Variants in SNX25 observed in about 807,000 individuals in gnomAD.
The protein encoded by SNX25 is sorting nexin 25, also known as sorting nexin-25.
A neutral mutation model predicts 113.7 loss-of-function variants in SNX25; 62 were observed. The observed-to-expected ratio is 0.55, with a 90% CI of 0.44 to 0.67. The LOEUF is 0.67. Ranked by LOEUF, SNX25 falls within the 30% of genes least tolerant of loss-of-function variation. The pLI, the probability that SNX25 is intolerant of heterozygous loss-of-function variation, is 0.00. For missense variants in SNX25, 1,014 were observed against 1,161.0 expected (o/e 0.87, Z 1.84); for synonymous variants, 421 against 436.2 (o/e 0.97, Z 0.43).
At chr4:185,241,790 A>G (rs1212410504) in intron 1 of SNX25, among the ~76,000 whole-genome samples, 4 of 152,148 alleles carry the variant, frequency 2.6e-5, no homozygotes, top group African/African-American at 7.2e-5. Context: ...ATCTTTCCTA[A>G]AACAGGCATT....
At chr4:185,351,968 G>A (rs929861885) in intron 14 of SNX25, among the ~76,000 whole-genome samples, 3 of 152,260 alleles carry the variant, frequency 2.0e-5, no homozygotes, top group Admixed American at 1.3e-4. Flanking sequence ...GGAACAGGCC[G>A]GAGGTCGTTG....
At chr4:185,293,511 A>G (rs1579655462) in intron 6 of SNX25, among the ~76,000 whole-genome samples, 1 of 152,258 alleles carries the variant, frequency 6.6e-6, no homozygotes, top group South Asian at 2.1e-4. Flanking sequence ...CACATATTGC[A>G]TGATTTCATT....
chr4:185,353,842 A>C (rs557391365), intron 15 of SNX25, among the ~76,000 whole-genome samples: 21 of 152,186 alleles, frequency 1.4e-4, no homozygotes, highest in Admixed American at 1.4e-3. Context: ...TCAAGAGATC[A>C]AGACCATCCT....
intron 1 of SNX25, among the ~76,000 whole-genome samples, chr4:185,218,041 C>T (rs190738136): frequency 4.6e-5 from 7 of 152,028 alleles, no homozygotes; most frequent in South Asian, 2.1e-4. Context: ...CCCTAAGGGC[C>T]GGGATTTAGG....
At chr4:185,303,157 C>T (rs1031706803) in intron 6 of SNX25, among the ~76,000 whole-genome samples, 1 of 152,176 alleles carries the variant, frequency 6.6e-6, no homozygotes, top group African/African-American at 2.4e-5. Flanking sequence ...GTCCTGGGCT[C>T]CTGCTCACAA....
chr4:185,208,961 T>G (rs966724798), upstream of SNX25, among the ~76,000 whole-genome samples: 3 of 152,180 alleles, frequency 2.0e-5, no homozygotes, highest in African/African-American at 2.4e-5. Flanking sequence ...TTTGCGTGGC[T>G]GATAGCATTT....
At chr4:185,370,708 C>T (rs550146373), downstream of SNX25, 13 of 1,613,886 alleles carry the variant, frequency 8.1e-6, no homozygotes, top group Admixed American at 1.7e-5. Context: ...AGACACCTTG[C>T]GTGGTAGAAG....
At chr4:185,353,365 T>TA in intron 14 of SNX25, 120 bp from the exon 15 acceptor site, 5 of 715,838 alleles carry the variant, frequency 7.0e-6, no homozygotes, top group Non-Finnish European at 7.2e-6. Context: ...GCATGAAAAC[T>TA]AAAGAATTAA....
At chr4:185,331,395 C>T (rs539149599) in intron 9 of SNX25, among the ~76,000 whole-genome samples, 62 of 152,166 alleles carry the variant, frequency 4.1e-4, no homozygotes, top group African/African-American at 1.4e-3. Flanking sequence ...CAGCATTGTA[C>T]GTTATATGAA....
At chr4:185,265,331 G>A (rs189303578) in intron 4 of SNX25, among the ~76,000 whole-genome samples, 175 of 152,270 alleles carry the variant, frequency 1.1e-3, no homozygotes, top group Non-Finnish European at 2.0e-3. Flanking sequence ...GGGCAATATG[G>A]TGTAACCTAT....
chr4:185,268,566 C>T (rs542037318), intron 5 of SNX25, among the ~76,000 whole-genome samples: 7 of 151,998 alleles, frequency 4.6e-5, no homozygotes, highest in Admixed American at 1.3e-4. Flanking sequence ...GTTCATTTTG[C>T]TTTTCATTAA....
At chr4:185,205,604 G>A (rs182287957), upstream of SNX25, among the ~76,000 whole-genome samples, 1,056 of 152,280 alleles carry the variant, frequency 6.9e-3, 5 homozygotes, top group Non-Finnish European at 0.012. Context: ...TGAGGTGGGC[G>A]GATCACCTGA....
chr4:185,371,371 C>G (rs1019053363), downstream of SNX25, among the ~76,000 whole-genome samples: 1 of 151,622 alleles, frequency 6.6e-6, no homozygotes, highest in Non-Finnish European at 1.5e-5. Context: ...AACCCCGTCT[C>G]TACTAAAAAA....
chr4:185,228,783 G>A (rs1372607269), intron 1 of SNX25, among the ~76,000 whole-genome samples: 8 of 152,182 alleles, frequency 5.3e-5, no homozygotes, highest in African/African-American at 1.9e-4. Context: ...CGTTTATTGG[G>A]CCCTCATTGT....
At chr4:185,272,985 C>T (rs774429939) in intron 5 of SNX25, among the ~76,000 whole-genome samples, 1 of 152,122 alleles carries the variant, frequency 6.6e-6, no homozygotes, top group Non-Finnish European at 1.5e-5. Flanking sequence ...ATGCCTTGCC[C>T]CTACCCACTG....
At chr4:185,287,183 A>G (rs1334680091) in intron 5 of SNX25, among the ~76,000 whole-genome samples, 2 of 152,232 alleles carry the variant, frequency 1.3e-5, no homozygotes, top group East Asian at 3.8e-4. Context: ...CAAAATAGCT[A>G]CAACTCCAGG....
chr4:185,339,782 A>G (rs531740340), intron 11 of SNX25, among the ~76,000 whole-genome samples: 1 of 152,324 alleles, frequency 6.6e-6, no homozygotes, highest in South Asian at 2.1e-4. Flanking sequence ...AATGTCCTTG[A>G]ATTACCAATT....
chr4:185,361,762 T>C (rs1241207193), intron 16 of SNX25, among the ~76,000 whole-genome samples, 162 bp from the exon 17 acceptor site: 4 of 152,050 alleles, frequency 2.6e-5, no homozygotes, highest in Non-Finnish European at 4.4e-5. Flanking sequence ...ATTAAAAATA[T>C]ATATAACTTT....
chr4:185,334,608 T>A lies in SNX25; in HGVS notation c.1914+1849T>A, dbSNP rs2095217596. The stretch of plus-strand genomic sequence containing the variant: ...AACAGTTGTCTTATTTATTCTGGAT[T>A]CATCTCATTATAAATTAAAATGCAT... On this transcript the variant is annotated intron_variant, in intron 10 of 18. Transcript: ENST00000652585. The surrounding 1 kb of genome is among the most constrained non-coding windows in gnomAD (Gnocchi z 4.2). Among the ~76,000 whole-genome samples, 1 of 152,218 alleles carries A rather than the reference T, an allele frequency of 6.6e-6. No homozygotes were observed. The highest frequency in any genetic ancestry group is 1.5e-5 in the Non-Finnish European group (1 of 68,040).
Sources: allele counts gnomAD v4.1 joint callset (sites outside exome capture counted in the v4.1 genomes callset), GRCh38; gene constraint gnomAD v4.1.1; non-coding constraint Gnocchi (gnomAD v3.1); transcripts MANE v1.5; gene names NCBI Gene and HGNC (gene_info 2026-07-23, HGNC 2026-07-21).